DCDC2: variants seen among roughly 807,000 people sequenced by gnomAD.
The protein encoded by DCDC2 is doublecortin domain-containing protein 2.
DCDC2 carries 40 observed loss-of-function variants against 50.2 expected under a neutral mutation model. That is an observed-to-expected ratio of 0.80 (90% CI 0.62 to 1.04). DCDC2 has a LOEUF of 1.04. DCDC2 is among the 50% of genes least tolerant of loss of function. The pLI, the probability that DCDC2 is intolerant of heterozygous loss-of-function variation, is 0.00. For synonymous variants in DCDC2, 234 were observed against 210.6 expected (o/e 1.11, Z -0.96); for missense variants, 570 against 581.9 (o/e 0.98, Z 0.21).
chr6:24,327,094 A>C (rs1539043), intron 2 of DCDC2, among the ~76,000 whole-genome samples: 148,099 of 148,644 alleles, frequency 1, 73,783 homozygotes, highest in Non-Finnish European at 1. Flanking sequence ...AGTCAGGGTA[A>C]CTGCACTGTC....
At chr6:24,237,294 A>G (rs984646936) in intron 7 of DCDC2, among the ~76,000 whole-genome samples, 5 of 152,342 alleles carry the variant, frequency 3.3e-5, no homozygotes, top group Non-Finnish European at 5.9e-5. Context: ...TGATGAAATA[A>G]TCTGTACACC....
intron 7 of DCDC2, among the ~76,000 whole-genome samples, chr6:24,258,847 A>G (rs1478513764): frequency 6.6e-6 from 1 of 152,294 alleles, no homozygotes; most frequent in East Asian, 1.9e-4. Flanking sequence ...ACCAATCAAT[A>G]GGAGCTAAGC....
chr6:24,247,626 C>G (rs1172202697), intron 7 of DCDC2, among the ~76,000 whole-genome samples: 1 of 152,290 alleles, frequency 6.6e-6, no homozygotes, highest in East Asian at 1.9e-4. Flanking sequence ...ATATGCCGAG[C>G]TCCTTTCAAT....
In DCDC2 at chr6:24,288,849, T is replaced by C. The variant is rs1196572291; in HGVS notation, c.759+3A>G. The C allele has an allele frequency of 6.2e-7, 1 of 1,611,194 alleles. No homozygotes were observed. Among genetic ancestry groups the C allele is most frequent in the Non-Finnish European group, 8.5e-7 (1 of 1,177,726 alleles). On this transcript the variant is annotated splice_donor_region_variant and intron_variant, in intron 6 of 9. Coordinates refer to ENST00000378454, the MANE Select transcript of DCDC2 (RefSeq NM_016356.5). ...ATCAACGAGGAAAGCATCTGATACT[T>C]ACACTCCCTTTAGACTTTCTGGATC...
chr6:24,227,176 C>T (rs1203244518), intron 7 of DCDC2, among the ~76,000 whole-genome samples: 1 of 152,198 alleles, frequency 6.6e-6, no homozygotes, highest in African/African-American at 2.4e-5. Flanking sequence ...ATATCAGCAT[C>T]ATGTACTGAG....
At chr6:24,183,861 G>A (rs1218657356) in intron 8 of DCDC2, among the ~76,000 whole-genome samples, 1 of 152,174 alleles carries the variant, frequency 6.6e-6, no homozygotes, top group African/African-American at 2.4e-5. Flanking sequence ...GGCATGTGTC[G>A]GGAAAGGAGT....
the DCDC2 span, among the ~76,000 whole-genome samples, chr6:24,376,429 C>T: frequency 2.6e-5 from 4 of 152,072 alleles, no homozygotes; most frequent in East Asian, 7.7e-4. Flanking sequence ...CATCCCATAG[C>T]GGTAACAGTG....
At chr6:24,345,625 A>G (rs1760240458) in intron 2 of DCDC2, among the ~76,000 whole-genome samples, 1 of 152,192 alleles carries the variant, frequency 6.6e-6, no homozygotes, top group South Asian at 2.1e-4. Flanking sequence ...ACTCTCTGGG[A>G]AGATTTTCAC....
intron 8 of DCDC2, among the ~76,000 whole-genome samples, chr6:24,179,269 C>T (rs1397617072): frequency 2.6e-5 from 4 of 152,018 alleles, no homozygotes; most frequent in African/African-American, 9.7e-5. Flanking sequence ...ATGCTGAGGG[C>T]CAGGCACAGT....
intron 2 of DCDC2, among the ~76,000 whole-genome samples, chr6:24,314,261 C>T (rs1759622943): frequency 6.6e-6 from 1 of 152,116 alleles, no homozygotes; most frequent in East Asian, 1.9e-4. Flanking sequence ...TCACTTGAAG[C>T]TCAGAGTTCG....
chr6:24,198,489 C>T (rs139695306), intron 8 of DCDC2, among the ~76,000 whole-genome samples: 14 of 152,194 alleles, frequency 9.2e-5, no homozygotes, highest in African/African-American at 2.7e-4. Flanking sequence ...GCTACATTTT[C>T]CCCACAGTCT....
At chr6:24,363,564 T>C in the DCDC2 span, among the ~76,000 whole-genome samples, 3 of 152,198 alleles carry the variant, frequency 2.0e-5, no homozygotes, top group African/African-American at 4.8e-5. Context: ...AGAGCCTAGA[T>C]CTCTGAAATG....
rs1763676684 is a variant in DCDC2, at chr6:24,288,887, GT to G, written c.723del (p.Pro242LeufsTer4). ...RRPFGQKASS[L>X]PPIVGSRKSK... ...GACTTTCTGGATCCTACAATAGGAG[GT>G]AGTGAAGAAGCTTTCTGACTGTGGA... is the stretch of plus-strand genomic sequence containing the variant. On this transcript the variant is annotated frameshift_variant, in exon 6 of 10. Transcript: ENST00000378454. LOFTEE classifies it high-confidence loss of function. The G allele has an allele frequency of 2.5e-6, 4 of 1,601,870 alleles. No homozygotes were observed. In the East Asian group the frequency reaches 8.9e-5, roughly 36 times the overall value.
intron 7 of DCDC2, among the ~76,000 whole-genome samples, chr6:24,237,852 A>G (rs1170597723): frequency 6.6e-6 from 1 of 151,892 alleles, no homozygotes; most frequent in Non-Finnish European, 1.5e-5. Flanking sequence ...TCTCACATAT[A>G]AGTGGGAGCT....
chr6:24,343,152 A>G (rs907638221), intron 2 of DCDC2, among the ~76,000 whole-genome samples: 7 of 148,998 alleles, frequency 4.7e-5, no homozygotes, highest in African/African-American at 1.5e-4. Flanking sequence ...GGTTCACACC[A>G]TTCTCCTGCC....
At chr6:24,182,510 G>A (rs1761096032) in intron 8 of DCDC2, among the ~76,000 whole-genome samples, 1 of 150,320 alleles carries the variant, frequency 6.7e-6, no homozygotes, top group Admixed American at 6.7e-5. Flanking sequence ...AGACATTTCT[G>A]CAAAGAAGAT....
intron 8 of DCDC2, among the ~76,000 whole-genome samples, chr6:24,193,665 T>C (rs748068041): frequency 2.6e-4 from 40 of 152,064 alleles, no homozygotes; most frequent in Non-Finnish European, 5.4e-4. Flanking sequence ...AACATTTACA[T>C]AGTAGAAATA....
At chr6:24,184,632 T>C (rs1277422163) in intron 8 of DCDC2, among the ~76,000 whole-genome samples, 2 of 152,104 alleles carry the variant, frequency 1.3e-5, no homozygotes, top group Non-Finnish European at 2.9e-5. Context: ...TGGGAATTTC[T>C]ATCACTGACT....
intron 7 of DCDC2, chr6:24,205,448 C>G (rs1427997669): frequency 1.9e-6 from 2 of 1,041,720 alleles, no homozygotes; most frequent in Non-Finnish European, 2.7e-6. Context: ...CTCCTATTCA[C>G]AAAACAGTGA....
Sources: gnomAD v4.1 joint callset for allele counts (sites outside exome capture counted in the v4.1 genomes callset) on GRCh38, gnomAD v4.1.1 for gene constraint, MANE v1.5 for transcripts, NCBI Gene and HGNC (gene_info 2026-07-23, HGNC 2026-07-21) for gene names.